The following PRKDC variants were observed in gnomAD, a reference collection of about 807,000 sequenced individuals.
The protein encoded by PRKDC is DNA-dependent protein kinase catalytic subunit.
A neutral mutation model predicts 486.9 loss-of-function variants in PRKDC; 82 were observed. The observed-to-expected ratio is 0.17, with a 90% confidence interval of 0.14 to 0.20. The LOEUF (loss-of-function observed/expected upper bound fraction) is 0.20. Among genes scored for constraint, PRKDC ranks in the 10% least tolerant of loss-of-function variants. PRKDC has a pLI of 1.00. For synonymous variants in PRKDC, 1,895 were observed against 1,837.0 expected, an observed-to-expected ratio of 1.03 and a Z score of -0.81; for missense variants, 4,504 against 5,038.2, an observed-to-expected ratio of 0.89 and a Z score of 3.21.
chr8:47,929,486 C>T (rs1247434890), intron 18 of PRKDC, among the ~76,000 whole-genome samples: 1 of 152,222 alleles, frequency 6.6e-6, no homozygotes, highest in Admixed American at 6.5e-5. Context: ...AATGCTAATC[C>T]AGTTGTTCTC....
Position 47,918,354 on chromosome 8 carries a change from C to A in PRKDC, c.2449G>T (p.Ala817Ser). 6.3e-7 allele frequency: 1 copy of A among 1,590,596 alleles called. No individual in the cohort carries two copies. The highest frequency in any genetic ancestry group is 8.6e-7 in the Non-Finnish European group (1 of 1,167,240). ...CCTTTCTGGGCAGCCCGAGAAAGAG[C>A]TGACACTTCCCAGTTATTCTTGGTC... ...DETKNNWEVS[A>S]LSRAAQKGFN... is the part of the protein sequence containing the mutation. Residue 817 changes from alanine to serine, a missense_variant, in exon 22 of 86, where the codon GCT becomes TCT. This residue lies in a region of PRKDC where 1,969 missense variants were observed against 2,068.9 expected (regional missense o/e 0.95). Coordinates refer to ENST00000314191, the MANE Select transcript of PRKDC (RefSeq NM_006904.7).
intron 84 of PRKDC, 78 bp from the exon 85 acceptor site, chr8:47,777,061 A>G (rs1344651909): frequency 6.7e-6 from 10 of 1,500,532 alleles, no homozygotes; most frequent in Admixed American, 2.2e-5. Context: ...AAATCTAGTA[A>G]TGATCTTAAA....
rs373100184 is a variant in PRKDC, at chr8:47,798,409, A to G, written c.10298-12T>C. On this transcript the variant is annotated splice_polypyrimidine_tract_variant and intron_variant, in intron 72 of 85. Transcript: ENST00000314191. The stretch of plus-strand genomic sequence containing the variant: ...TGCAGAATCAATAACTATCAAGGAC[A>G]CCAAAGAAGAAAGCAATGGTCAATG... 4.4e-4 allele frequency: 685 copies of G among 1,566,078 alleles called. No homozygotes were observed. The highest frequency in any genetic ancestry group is 4.7e-4 in the Non-Finnish European group (549 of 1,158,840).
rs1423606530 is a variant in PRKDC, at chr8:47,937,494, ACACACCCTAC to A, written c.1114-987_1114-978del. Among the ~76,000 whole-genome samples the A allele has an allele frequency of 3.9e-5, 6 of 152,190 alleles. No homozygotes were observed. The South Asian group carries it at 1.0e-3, about 26-fold the overall frequency. ...ACATGACTGGAAGATGCTCCATGTC[ACACACCCTAC>A]CACACCAGAGCCATTTTTTCAGACT... is the stretch of plus-strand genomic sequence containing the variant. On this transcript the variant is annotated intron_variant, in intron 11 of 85. Transcript: ENST00000314191.
rs4498544 is a variant in PRKDC, at chr8:47,801,931, T to C, written c.9923-945A>G. 6.9e-3 allele frequency among the ~76,000 whole-genome samples: 1,054 copies of C among 152,352 alleles called. 9 individuals carry two copies. Among genetic ancestry groups the C allele is most frequent in the South Asian group, 0.025 (121 of 4,824 alleles). ...CCCTGCTTATCATGCAAGGCTGTTA[T>C]GAACTACAACCATACTCTGTGTAAT... On this transcript the variant is annotated intron_variant, in intron 70 of 85. Coordinates refer to ENST00000314191, the MANE Select transcript of PRKDC (RefSeq NM_006904.7).
chr8:47,890,937 T>TA (rs2089443221), intron 31 of PRKDC, among the ~76,000 whole-genome samples: 1 of 152,084 alleles, frequency 6.6e-6, no homozygotes, highest in South Asian at 2.1e-4. Context: ...AATGAAAAAA[T>TA]AAAAAATCCT....
At position 47,897,238 on chromosome 8, in the gene PRKDC, G is replaced by A. The variant is rs747337102; in HGVS notation, c.3521C>T (p.Ala1174Val). ...TTCTGTCTGGGGCCTCCCACAATGA[G>A]CTAAAAGCCACTTGACCAGATCCAA... is the stretch of plus-strand genomic sequence containing the variant. ...CLLDLVKWLL[A>V]HCGRPQTECR... The change falls in exon 30 of 86, where the codon GCT becomes GTT. Residue 1174 changes from alanine (A) to valine (V), a missense_variant. Coordinates refer to ENST00000314191, the MANE Select transcript of PRKDC (RefSeq NM_006904.7). 2 of 1,608,464 alleles carry A rather than the reference G, an allele frequency of 1.2e-6. No homozygotes were observed. The highest frequency in any genetic ancestry group is 2.2e-5 in the South Asian group (2 of 90,698).
At chr8:47,906,441 C>A (rs1288863426) in intron 25 of PRKDC, among the ~76,000 whole-genome samples, 1 of 148,376 alleles carries the variant, frequency 6.7e-6, no homozygotes, top group African/African-American at 2.4e-5. Context: ...TGTGACCACT[C>A]TGGCCAAAAC....
chr8:47,881,580 C>A, intron 37 of PRKDC, 60 bp from the exon 38 acceptor site: 1 of 861,660 alleles, frequency 1.2e-6, no homozygotes, highest in Non-Finnish European at 1.8e-6. Flanking sequence ...TTTCCTTTAG[C>A]CCATTGCTCA....
rs1224228310 is a variant in PRKDC at position 47,773,970 on chromosome 8, A to T, written c.*203T>A. The T allele has an allele frequency of 7.8e-6, 4 of 515,552 alleles. No homozygotes were observed. The highest frequency in any genetic ancestry group is 3.0e-5 in the East Asian group (1 of 33,474). The allele number at this position is 515,552 out of a possible 1,614,324, so 31.9% of individuals were successfully genotyped here. Reference sequence around the variant, plus strand: ...TTCTATAAACCTCACCTAATCTTTGATGTTACTATAACCTTATCTTTGATT... The same window carrying T: ...TTCTATAAACCTCACCTAATCTTTGTTGTTACTATAACCTTATCTTTGATT... On this transcript the variant is annotated 3_prime_UTR_variant, in exon 86 of 86. Coordinates refer to ENST00000314191, the MANE Select transcript of PRKDC (RefSeq NM_006904.7).
Position 47,857,242 on chromosome 8 carries a change from C to G in PRKDC, c.6523G>C (p.Glu2175Gln). The G allele has an allele frequency of 6.2e-7, 1 of 1,614,008 alleles. No homozygotes were observed. Among genetic ancestry groups the G allele is most frequent in the Non-Finnish European group, 8.5e-7 (1 of 1,179,860 alleles). Residue 2175 changes from glutamate (E) to glutamine (Q), a missense_variant, in exon 49 of 86, where the codon GAA becomes CAA. By Grantham distance (29) the Glu-to-Gln change is conservative (BLOSUM62 2). Transcript: ENST00000314191. ...LSPLLQLAAS[E>Q]NNGGEGIHYM... ...TGAATTCCTTCTCCTCCATTGTTTT[C>G]AGAAGCAGCCAGCTGCAGCAAGGGG...
Position 47,800,969 on chromosome 8 carries a change from T to G in PRKDC, c.9940A>C (p.Ser3314Arg). The change falls in exon 71 of 86, where the codon AGC becomes CGC. Residue 3314 changes from serine to arginine, a missense_variant. Ser to Arg is a moderately radical substitution (Grantham distance 110). Coordinates refer to ENST00000314191, the MANE Select transcript of PRKDC (RefSeq NM_006904.7). ...VSLLDENNVS[S>R]YLSKNILAFR... ...GCCAGAATATTTTTGCTTAAGTAGC[T>G]TGACACGTTGTTCTCATCTGTTGGA... is the stretch of plus-strand genomic sequence containing the variant. 6.2e-7 allele frequency: 1 copy of G among 1,613,892 alleles called. No homozygotes were observed. The highest frequency in any genetic ancestry group is 8.5e-7 in the Non-Finnish European group (1 of 1,179,854).
At chr8:47,916,259 C>A (rs1403838449) in intron 22 of PRKDC, among the ~76,000 whole-genome samples, 1 of 151,982 alleles carries the variant, frequency 6.6e-6, no homozygotes, top group African/African-American at 2.4e-5. Flanking sequence ...CAGCCTTTCA[C>A]CAACATGGTG....
intron 68 of PRKDC, among the ~76,000 whole-genome samples, chr8:47,815,857 A>C (rs906635579): frequency 6.6e-6 from 1 of 152,232 alleles, no homozygotes; most frequent in Admixed American, 6.5e-5. Flanking sequence ...TTTATTTGTT[A>C]GTTGCAAAAG....
At chr8:47,887,804 C>A (rs1410198687) in intron 34 of PRKDC, 99 bp from the exon 35 acceptor site, 2 of 1,233,160 alleles carry the variant, frequency 1.6e-6, no homozygotes. Flanking sequence ...CTTCAGATAG[C>A]ACTGACAACT....
chr8:47,939,400 T>C (rs1043839422), intron 11 of PRKDC, 151 bp downstream of exon 11: 26 of 813,598 alleles, frequency 3.2e-5, no homozygotes, highest in Non-Finnish European at 4.5e-5. Flanking sequence ...AACATCTGCA[T>C]GTAAGTGAGC....
In PRKDC at chr8:47,819,517, A is replaced by G. The variant is rs1309659735; in HGVS notation, c.9337-7T>C. The G allele has an allele frequency of 8.3e-6, 11 of 1,331,936 alleles. No homozygotes were observed. The highest frequency in any genetic ancestry group is 1.5e-5 in the African/African-American group (1 of 64,958). 82.5% of individuals were successfully genotyped at this position (1,331,936 alleles called of 1,614,324 possible). ...CATCAATACTAGAATAATTCTTAAAAAAAAAAAAAAAAAAAAAGGGCATTT... is the reference window on the plus strand; with the variant it reads ...CATCAATACTAGAATAATTCTTAAAGAAAAAAAAAAAAAAAAAGGGCATTT... On this transcript the variant is annotated splice_region_variant and splice_polypyrimidine_tract_variant and intron_variant, in intron 66 of 85. Coordinates refer to ENST00000314191, the MANE Select transcript of PRKDC (RefSeq NM_006904.7).
At chr8:47,945,734 T>C (rs2090522676) in intron 7 of PRKDC, among the ~76,000 whole-genome samples, 1 of 152,146 alleles carries the variant, frequency 6.6e-6, no homozygotes. Context: ...TCTATCCTTT[T>C]TTTTTGACAC....
chr8:47,928,869 T>C (rs913221383), intron 19 of PRKDC, among the ~76,000 whole-genome samples: 2 of 152,066 alleles, frequency 1.3e-5, no homozygotes, highest in Non-Finnish European at 2.9e-5. Context: ...TTTTTGTATT[T>C]TTAGTAGAGA....
Sources: gnomAD v4.1 joint callset for allele counts (sites outside exome capture counted in the v4.1 genomes callset) on GRCh38, gnomAD v4.1.1 for gene constraint, gnomAD v4.1.1 regional missense constraint, MANE v1.5 for transcripts, NCBI Gene and HGNC (gene_info 2026-07-23, HGNC 2026-07-21) for gene names.